Variants in MTA1 observed in about 807,000 individuals in gnomAD.
MTA1 encodes the protein metastasis associated 1, also known as metastasis-associated protein MTA1.
MTA1 carries 15 observed loss-of-function variants against 97.0 expected under a neutral mutation model. That is an observed-to-expected ratio of 0.15 (90% CI 0.10 to 0.24). MTA1 has a LOEUF of 0.24. Among genes scored for constraint, MTA1 ranks in the 10% least tolerant of loss-of-function variants. The pLI is 1.00. For synonymous variants in MTA1, 435 were observed against 417.5 expected (o/e 1.04, Z -0.51); for missense variants, 709 against 1,015.1 (o/e 0.70, Z 4.10).
intron 1 of MTA1, among the ~76,000 whole-genome samples, chr14:105,433,218 T>C (rs1456186600): frequency 1.3e-5 from 2 of 151,866 alleles, no homozygotes; most frequent in Non-Finnish European, 2.9e-5. Flanking sequence ...TGTGTAGGTC[T>C]AGCAGTGGTC....
Position 105,466,693 on chromosome 14 carries a change from C to A in MTA1, c.1778-14C>A. On this transcript the variant is annotated splice_polypyrimidine_tract_variant and intron_variant, in intron 17 of 20. Transcript: ENST00000331320. ...GCTGTCTTCTCTCCCTCTCTCCCACCCCGGCGCTGCCAGGCAACATGAAGA... is the reference window on the plus strand; with the variant it reads ...GCTGTCTTCTCTCCCTCTCTCCCACACCGGCGCTGCCAGGCAACATGAAGA... 6.2e-7 allele frequency: 1 copy of A among 1,604,926 alleles called. No homozygotes were observed. Among genetic ancestry groups the A allele is most frequent in the East Asian group, 2.2e-5 (1 of 44,622 alleles).
chr14:105,451,783 GTTTTTTTTTTTTT>G (rs869240296), intron 6 of MTA1, among the ~76,000 whole-genome samples: 1 of 31,380 alleles, frequency 3.2e-5, no homozygotes, highest in African/African-American at 6.9e-5. Context: ...TTCTTTTTTT[GTTTTTTTTTTTTT>G]TTTTTTTTTT....
In MTA1 at chr14:105,466,690, C is replaced by G. The variant is rs1555432978; in HGVS notation, c.1778-17C>G. The G allele has an allele frequency of 6.2e-7, 1 of 1,605,096 alleles. No individual in the cohort carries two copies. The highest frequency in any genetic ancestry group is 2.2e-5 in the East Asian group (1 of 44,638). On this transcript the variant is annotated splice_polypyrimidine_tract_variant and intron_variant, in intron 17 of 20. Transcript: ENST00000331320. ...GACGCTGTCTTCTCTCCCTCTCTCC[C>G]ACCCCGGCGCTGCCAGGCAACATGA...
Position 105,463,634 on chromosome 14 carries a change from C to T in MTA1, c.1076+83C>T, listed in dbSNP as rs371099836. On this transcript the variant is annotated intron_variant, in intron 12 of 20. Transcript: ENST00000331320. This position sits in a 1 kb window ranked among gnomAD's most constrained non-coding sequence, Gnocchi z 5.9. ...ACAGGGTGCTGGGGCCAGGCGGGTCCCAAGGAAACTCAAGCTCAGAGGCTG... is the reference window on the plus strand; with the variant it reads ...ACAGGGTGCTGGGGCCAGGCGGGTCTCAAGGAAACTCAAGCTCAGAGGCTG... 5.6e-4 allele frequency: 782 copies of T among 1,388,026 alleles called. 1 individual carries two copies. The African/African-American group carries it at 9.8e-3, about 17-fold the overall frequency. 86.0% of individuals were successfully genotyped at this position (1,388,026 alleles called of 1,614,324 possible).
Position 105,466,427 on chromosome 14 carries a change from G to GGGGGGCCGCCGGGC in MTA1, c.1626_1627insGGGGGCCGCCGGGC (p.Thr543GlyfsTer16). ...TTCTGCCTGTGTCATTCCCGGCAGA[G>GGGGGGCCGCCGGGC]ACCCACCCCCGCCCCCCCAAGCCTG... On this transcript the variant is annotated frameshift_variant and splice_region_variant, in exon 17 of 21. Coordinates refer to ENST00000331320, the MANE Select transcript of MTA1 (RefSeq NM_004689.4). LOFTEE classifies it high-confidence loss of function. 1 of 1,592,108 alleles carries GGGGGGCCGCCGGGC rather than the reference G, an allele frequency of 6.3e-7. No individual in the cohort carries two copies. Among genetic ancestry groups the GGGGGGCCGCCGGGC allele is most frequent in the Non-Finnish European group, 8.6e-7 (1 of 1,165,322 alleles).
intron 1 of MTA1, among the ~76,000 whole-genome samples, chr14:105,433,213 A>G (rs1185010925): frequency 6.6e-6 from 1 of 152,128 alleles, no homozygotes; most frequent in Non-Finnish European, 1.5e-5. Flanking sequence ...GGCGGTGTGT[A>G]GGTCTAGCAG....
chr14:105,450,140 G>A lies in MTA1; in HGVS notation c.324G>A (p.Leu108=), dbSNP rs2082866733. The A allele has an allele frequency of 2.5e-6, 4 of 1,613,108 alleles. No homozygotes were observed. The African/African-American group carries it at 5.3e-5, about 22-fold the overall frequency. Residue 108 remains leucine (L), a synonymous_variant, in exon 5 of 21, where the codon CTG becomes CTA. Coordinates refer to ENST00000331320, the MANE Select transcript of MTA1 (RefSeq NM_004689.4). ...KLKHQLRHRE[L]FLSRQLESLP... The stretch of plus-strand genomic sequence containing the variant: ...AGCACCAGCTGCGGCATCGGGAGCT[G>A]TTCCTCTCCCGGCAGCTGGAGTCTC...
intron 6 of MTA1, among the ~76,000 whole-genome samples, chr14:105,452,370 A>C (rs587620784): frequency 6.6e-6 from 1 of 152,258 alleles, no homozygotes; most frequent in East Asian, 1.9e-4. Flanking sequence ...AATAGAAACC[A>C]CTTGTGTTTA....
Position 105,450,253 on chromosome 14 carries a change from T to C in MTA1, c.369-8T>C, listed in dbSNP as rs1209162860. 2 of 1,609,160 alleles carry C rather than the reference T, an allele frequency of 1.2e-6. No individual in the cohort carries two copies. The highest frequency in any genetic ancestry group is 2.7e-5 in the African/African-American group (2 of 74,838). On this transcript the variant is annotated splice_polypyrimidine_tract_variant and splice_region_variant and intron_variant, in intron 5 of 20. Coordinates refer to ENST00000331320, the MANE Select transcript of MTA1 (RefSeq NM_004689.4). ...CGCCTTTCCAGCCTGCCCGTCCTTC[T>C]CTTCCAGGGGCAAGTGCAGCGTCAC...
intron 1 of MTA1, among the ~76,000 whole-genome samples, chr14:105,425,145 A>G (rs2141399868): frequency 6.6e-6 from 1 of 152,250 alleles, no homozygotes; most frequent in Admixed American, 6.5e-5. Context: ...CTGAACTTGG[A>G]GTGCTCTTGC....
chr14:105,468,704 A>G (rs4983414), intron 18 of MTA1, among the ~76,000 whole-genome samples: 132,421 of 152,178 alleles, frequency 0.87, 60,598 homozygotes, highest in Non-Finnish European at 1. Flanking sequence ...TGAGTATGAC[A>G]TCCTGTCCTC....
chr14:105,449,908 G>A (rs587632957), intron 4 of MTA1, 150 bp from the exon 5 acceptor site: 23 of 1,162,120 alleles, frequency 2.0e-5, no homozygotes, highest in Non-Finnish European at 2.6e-5. Context: ...CCATAGGGTG[G>A]GGCAGTGGGA....
In MTA1 at chr14:105,460,373, C is replaced by A; in HGVS notation, c.669C>A (p.Phe223Leu). Residue 223 changes from phenylalanine (F) to leucine (L), a missense_variant, in exon 9 of 21, where the codon TTC becomes TTA. Transcript: ENST00000331320. Reference sequence around the variant, plus strand: ...CTTTCCCCAGCTCTGTGGGCACCTTCGCACGGGCCCTGGACTGCAGCAGCT... The same window carrying A: ...CTTTCCCCAGCTCTGTGGGCACCTTAGCACGGGCCCTGGACTGCAGCAGCT... ...FLVVARSVGTFARALDCSSSV... is the reference protein window; with the variant it reads ...FLVVARSVGTLARALDCSSSV... The A allele has an allele frequency of 6.2e-7, 1 of 1,610,542 alleles. No individual in the cohort carries two copies. Among genetic ancestry groups the A allele is most frequent in the Non-Finnish European group, 8.5e-7 (1 of 1,178,720 alleles).
chr14:105,425,559 C>T (rs1555422021), intron 1 of MTA1, among the ~76,000 whole-genome samples: 1 of 152,194 alleles, frequency 6.6e-6, no homozygotes, highest in East Asian at 1.9e-4. Context: ...GTTTGCAAGG[C>T]TGTGAACTAC....
Position 105,469,851 on chromosome 14 carries a change from G to A in MTA1, c.1856G>A (p.Arg619Gln), listed in dbSNP as rs1555433888. 4.4e-6 allele frequency: 7 copies of A among 1,606,562 alleles called. No homozygotes were observed. Among genetic ancestry groups the A allele is most frequent in the East Asian group, 2.2e-5 (1 of 44,458 alleles). The change falls in exon 20 of 21, where the codon CGG (arginine) becomes CAG (glutamine). Residue 619 changes from arginine to glutamine, a missense_variant. By Grantham distance (43) the Arg-to-Gln change is conservative. This residue lies in a region of MTA1 where 388 missense variants were observed against 421.6 expected (regional missense o/e 0.92). Transcript: ENST00000331320. ...HGQARHMGPSRNLLLNGKSYP... is the reference protein window; with the variant it reads ...HGQARHMGPSQNLLLNGKSYP... ...GCACCCCCTCTGCAGGGACCAAGCC[G>A]GAACCTCCTGCTCAACGGGAAGTCC...
intron 4 of MTA1, among the ~76,000 whole-genome samples, chr14:105,449,838 T>TA (rs1555428129): frequency 6.6e-6 from 1 of 152,110 alleles, no homozygotes; most frequent in African/African-American, 2.4e-5. Flanking sequence ...TGCCTGGACT[T>TA]AAAGGGCACG....
intron 13 of MTA1, 112 bp from the exon 14 acceptor site, chr14:105,464,304 C>T (rs1296316760): frequency 4.3e-5 from 46 of 1,072,930 alleles, no homozygotes; most frequent in East Asian, 3.1e-4. Context: ...CCTCGGGGAA[C>T]GTGTGGGGGT....
At chr14:105,465,819 G>T (rs1555432640) in intron 16 of MTA1, 28 of 152,690 alleles carry the variant, frequency 1.8e-4, no homozygotes, top group Non-Finnish European at 1.5e-5. Context: ...CATTTGCTGG[G>T]CTCGAGTGGG....
rs1555424983 is a variant in MTA1 at position 105,438,736 on chromosome 14, C to A, written c.93C>A (p.Asn31Lys). Reference protein sequence around the residue: ...PYLIRRIEELNKTANGNVEAK... With the variant: ...PYLIRRIEELKKTANGNVEAK... ...TGATCCGGAGAATCGAGGAGCTCAACAAGGTACTGGGGGGCCCTGGTGTTG... is the reference window on the plus strand; with the variant it reads ...TGATCCGGAGAATCGAGGAGCTCAAAAAGGTACTGGGGGGCCCTGGTGTTG... Residue 31 changes from asparagine (N) to lysine (K), a missense_variant, in exon 2 of 21, where the codon AAC (asparagine) becomes AAA (lysine). Transcript: ENST00000331320. 1.2e-6 allele frequency: 2 copies of A among 1,612,826 alleles called. No individual in the cohort carries two copies. The highest frequency in any genetic ancestry group is 1.7e-6 in the Non-Finnish European group (2 of 1,179,844).
Sources: allele counts gnomAD v4.1 joint callset (sites outside exome capture counted in the v4.1 genomes callset), GRCh38; gene constraint gnomAD v4.1.1; regional missense constraint gnomAD v4.1.1; non-coding constraint Gnocchi (gnomAD v3.1); transcripts MANE v1.5; gene names NCBI Gene and HGNC (gene_info 2026-07-23, HGNC 2026-07-21).